The following SNX13 variants were observed in gnomAD, a reference collection of about 807,000 sequenced individuals.
SNX13 encodes the protein sorting nexin-13.
A neutral mutation model predicts 133.6 loss-of-function variants in SNX13; 45 were observed. The observed-to-expected ratio is 0.34, with a 90% CI of 0.27 to 0.43. The LOEUF (loss-of-function observed/expected upper bound fraction) is 0.43. SNX13 is among the 20% of genes least tolerant of loss of function. SNX13 has a pLI of 1.00. For synonymous variants in SNX13, 414 were observed against 373.9 expected, an observed-to-expected ratio of 1.11 and a Z score of -1.24; for missense variants, 1,032 against 1,145.1, an observed-to-expected ratio of 0.90 and a Z score of 1.43.
chr7:17,832,183 A>AT, intron 15 of SNX13: 1 of 984,202 alleles, frequency 1.0e-6, no homozygotes, highest in East Asian at 1.1e-4. Flanking sequence ...CCAAAAAAAA[A>AT]TTTTTTAATG....
chr7:17,906,629 T>C (rs1303038963), intron 1 of SNX13, among the ~76,000 whole-genome samples: 1 of 152,148 alleles, frequency 6.6e-6, no homozygotes, highest in Non-Finnish European at 1.5e-5. Context: ...CAAGAATCAA[T>C]GATCAAATTA....
intron 15 of SNX13, chr7:17,831,988 G>A (rs760040262): frequency 2.4e-5 from 24 of 983,562 alleles, no homozygotes; most frequent in Non-Finnish European, 2.8e-5. Context: ...TTCAAAAAAG[G>A]GATAGGTAAT....
chr7:17,905,958 A>T (rs1297378701), intron 1 of SNX13, among the ~76,000 whole-genome samples: 3 of 152,102 alleles, frequency 2.0e-5, no homozygotes, highest in Non-Finnish European at 4.4e-5. Context: ...AGCATATACC[A>T]CTTTACCTTG....
intron 20 of SNX13, among the ~76,000 whole-genome samples, chr7:17,805,254 T>TGCGTGCGCGCGCGCGCGCGC (rs1554304326): frequency 3.2e-4 from 42 of 132,440 alleles, no homozygotes; most frequent in Non-Finnish European, 5.3e-4. Flanking sequence ...TGTGTGTGCG[T>TGCGTGCGCGCGCGCGCGCGC]GCGCGCGCGC....
chr7:17,868,413 T>C lies in SNX13; in HGVS notation c.831A>G (p.Ile277Met). ...AATTTTAAAAGGCACCTACCATCCATATGACATACTGATTAATATAATCAG... is the reference window on the plus strand; with the variant it reads ...AATTTTAAAAGGCACCTACCATCCACATGACATACTGATTAATATAATCAG... Reference protein sequence around the residue: ...SDPDYINQYVIWMIRDSNCNY... With the variant: ...SDPDYINQYVMWMIRDSNCNY... The change falls in exon 9 of 26, where the codon ATA becomes ATG. Residue 277 changes from isoleucine to methionine, a missense_variant. Ile to Met is a conservative substitution (Grantham distance 10, BLOSUM62 1). Coordinates refer to ENST00000428135, the MANE Select transcript of SNX13 (RefSeq NM_015132.5). The C allele has an allele frequency of 6.2e-7, 1 of 1,602,394 alleles. No individual in the cohort carries two copies. Among genetic ancestry groups the C allele is most frequent in the East Asian group, 2.2e-5 (1 of 44,578 alleles).
chr7:17,931,787 T>C (rs982187972), intron 1 of SNX13, among the ~76,000 whole-genome samples: 2 of 152,242 alleles, frequency 1.3e-5, no homozygotes, highest in Non-Finnish European at 2.9e-5. Context: ...CTCTCATAAG[T>C]ATATTTACAG....
intron 5 of SNX13, among the ~76,000 whole-genome samples, chr7:17,876,869 G>A (rs550919816): frequency 1.1e-4 from 17 of 151,286 alleles, no homozygotes; most frequent in Admixed American, 3.3e-4. Context: ...TCATAAAATC[G>A]CACTAAAATT....
chr7:17,850,488 C>A, intron 10 of SNX13, 53 bp from the exon 11 acceptor site: 1 of 1,084,288 alleles, frequency 9.2e-7, no homozygotes, highest in Non-Finnish European at 1.3e-6. Context: ...TTATGAAATA[C>A]TTTAAACATG....
At chr7:17,863,128 T>C (rs1447492576) in intron 9 of SNX13, among the ~76,000 whole-genome samples, 2 of 152,030 alleles carry the variant, frequency 1.3e-5, no homozygotes, top group African/African-American at 4.8e-5. Flanking sequence ...GGAAGGAGCA[T>C]TTAGACCAGC....
chr7:17,878,704 C>T (rs1338712155), intron 5 of SNX13, among the ~76,000 whole-genome samples: 1 of 152,064 alleles, frequency 6.6e-6, no homozygotes, highest in African/African-American at 2.4e-5. Context: ...GCAATAACAC[C>T]CCATTATTAT....
At chr7:17,935,320 C>T (rs1415928313) in intron 1 of SNX13, among the ~76,000 whole-genome samples, 3 of 152,118 alleles carry the variant, frequency 2.0e-5, no homozygotes, top group Non-Finnish European at 2.9e-5. Context: ...AGAAGTCAAA[C>T]TCACAGAAGT....
intron 9 of SNX13, among the ~76,000 whole-genome samples, chr7:17,853,950 TAAAAAAAGAA>T (rs1429260066): frequency 1.7e-4 from 22 of 132,374 alleles, no homozygotes; most frequent in African/African-American, 4.8e-4. Flanking sequence ...CCAAAAAAAA[TAAAAAAAGAA>T]AAAAAAAGAA....
At chr7:17,932,289 A>C (rs567200866) in intron 1 of SNX13, among the ~76,000 whole-genome samples, 2 of 152,332 alleles carry the variant, frequency 1.3e-5, no homozygotes, top group South Asian at 4.1e-4. Flanking sequence ...TCCCTGTAGG[A>C]AAAATTAAGA....
At chr7:17,938,710 A>T (rs1309758557) in intron 1 of SNX13, among the ~76,000 whole-genome samples, 1 of 152,254 alleles carries the variant, frequency 6.6e-6, no homozygotes, top group Admixed American at 6.5e-5. Flanking sequence ...TTTTACTGGC[A>T]GACACACAAG....
chr7:17,838,680 T>C (rs1022496845), intron 13 of SNX13, among the ~76,000 whole-genome samples: 1 of 151,950 alleles, frequency 6.6e-6, no homozygotes, highest in Non-Finnish European at 1.5e-5. Context: ...AAAAATACTT[T>C]CTAGTTTCCT....
At chr7:17,938,553 C>T (rs562659325) in intron 1 of SNX13, among the ~76,000 whole-genome samples, 21 of 152,168 alleles carry the variant, frequency 1.4e-4, no homozygotes, top group Non-Finnish European at 2.5e-4. Context: ...CTGCTTCTGC[C>T]ACTTATAAGT....
At chr7:17,878,386 A>G (rs1794963114) in intron 5 of SNX13, among the ~76,000 whole-genome samples, 1 of 152,204 alleles carries the variant, frequency 6.6e-6, no homozygotes. Flanking sequence ...TAGCTTGAAA[A>G]CATTTATAGT....
rs190923728 is a variant in SNX13, at chr7:17,808,782, G to A, written c.2065-5202C>T. 4.1e-3 allele frequency among the ~76,000 whole-genome samples: 617 copies of A among 152,288 alleles called. 3 individuals carry two copies. Among genetic ancestry groups the A allele is most frequent in the Non-Finnish European group, 5.4e-3 (369 of 68,032 alleles). ...TTGGCAGAATCCCTACAAGCCAGAAGAGAGTGAGGGCCAATATTCAACATT... is the reference window on the plus strand; with the variant it reads ...TTGGCAGAATCCCTACAAGCCAGAAAAGAGTGAGGGCCAATATTCAACATT... On this transcript the variant is annotated intron_variant, in intron 20 of 25. Coordinates refer to ENST00000428135, the MANE Select transcript of SNX13 (RefSeq NM_015132.5).
chr7:17,831,157 T>C, intron 15 of SNX13: 2 of 984,366 alleles, frequency 2.0e-6, no homozygotes, highest in South Asian at 4.7e-5. Context: ...AAATAGGGCA[T>C]AGTTTATTTT....
Sources: allele counts gnomAD v4.1 joint callset (sites outside exome capture counted in the v4.1 genomes callset), GRCh38; gene constraint gnomAD v4.1.1; transcripts MANE v1.5; gene names NCBI Gene and HGNC (gene_info 2026-07-23, HGNC 2026-07-21).